Variants in CDC42 observed in about 807,000 individuals in gnomAD.
CDC42 encodes cell division cycle 42, also known as cell division control protein 42 homolog.
A neutral mutation model predicts 20.8 loss-of-function variants in CDC42; 1 was observed. That is an observed-to-expected ratio of 0.05 (90% CI 0.02 to 0.23). The LOEUF is 0.23. CDC42 is among the 10% of genes least tolerant of loss of function. CDC42 has a pLI of 1.00. For missense variants in CDC42, 49 were observed against 227.9 expected (o/e 0.21, Z 5.05); for synonymous variants, 72 against 84.8 (o/e 0.85, Z 0.83).
rs1645754124 is a variant in CDC42 at position 22,095,801 on chromosome 1, A to G, written c.*4284A>G. ...TTGTCATTCTGGAGCCTAGTTCCAG[A>G]GAGCAGTGGCTGCTTGAGTGTGGAC... On this transcript the variant is annotated 3_prime_UTR_variant, in exon 6 of 6. Coordinates refer to ENST00000656825, the MANE Select transcript of CDC42 (RefSeq NM_001791.4). Among the ~76,000 whole-genome samples the G allele has an allele frequency of 6.6e-6, 1 of 152,152 alleles. No homozygotes were observed. Among genetic ancestry groups the G allele is most frequent in the Non-Finnish European group, 1.5e-5 (1 of 68,024 alleles).
chr1:22,074,711 C>T (rs1344814992), intron 1 of CDC42, among the ~76,000 whole-genome samples: 1 of 152,206 alleles, frequency 6.6e-6, no homozygotes, highest in Non-Finnish European at 1.5e-5. Flanking sequence ...AGCCACTGTG[C>T]TCTTTAATAC....
intron 1 of CDC42, chr1:22,068,969 G>C (rs960401650): frequency 6.6e-6 from 1 of 152,176 alleles, no homozygotes; most frequent in African/African-American, 2.4e-5. Context: ...TTTATTGTCT[G>C]TGTACCCCAC....
At chr1:22,072,407 C>A (rs1438775608) in intron 1 of CDC42, among the ~76,000 whole-genome samples, 3 of 151,966 alleles carry the variant, frequency 2.0e-5, no homozygotes, top group Admixed American at 2.0e-4. Flanking sequence ...GTTTTACTTA[C>A]CTTTATGCCT....
intron 1 of CDC42, among the ~76,000 whole-genome samples, chr1:22,071,046 CTTTTT>C (rs10684040): frequency 8.0e-6 from 1 of 125,312 alleles, no homozygotes; most frequent in Admixed American, 9.5e-5. Context: ...TTTTTTCTTT[CTTTTT>C]TTTTTTTTTT....
rs569337820 is a variant in CDC42 at position 22,094,073 on chromosome 1, T to C, written c.*2556T>C. Among the ~76,000 whole-genome samples the C allele has an allele frequency of 6.6e-6, 1 of 152,024 alleles. No individual in the cohort carries two copies. The highest frequency in any genetic ancestry group is 1.5e-5 in the Non-Finnish European group (1 of 67,998). ...GGGTAGCAAGTGGATGCAGCTTAGG[T>C]TTTCCATTTAAATATTGTTTTCTAT... On this transcript the variant is annotated 3_prime_UTR_variant, in exon 6 of 6. Coordinates refer to ENST00000656825, the MANE Select transcript of CDC42 (RefSeq NM_001791.4).
At chr1:22,060,145 C>T (rs1645347036) in intron 1 of CDC42, among the ~76,000 whole-genome samples, 1 of 151,898 alleles carries the variant, frequency 6.6e-6, no homozygotes. Flanking sequence ...AGTTCAAGAC[C>T]AACCTGGCCA....
intron 1 of CDC42, among the ~76,000 whole-genome samples, chr1:22,066,490 A>AT (rs1645425227): frequency 6.6e-6 from 1 of 152,170 alleles, no homozygotes; most frequent in African/African-American, 2.4e-5. Context: ...GTATTGAGCT[A>AT]TTTTGTGGGC....
intron 3 of CDC42, among the ~76,000 whole-genome samples, chr1:22,084,343 T>G (rs1570032265): frequency 1.1e-5 from 1 of 95,210 alleles, no homozygotes; most frequent in Non-Finnish European, 2.4e-5. Flanking sequence ...CTGTTTTTTT[T>G]TTTTTTTTTT....
chr1:22,077,776 A>G (rs1228730428), intron 1 of CDC42, among the ~76,000 whole-genome samples: 17 of 152,246 alleles, frequency 1.1e-4, no homozygotes, highest in East Asian at 1.9e-4. Flanking sequence ...AAGAGAAGCT[A>G]TAGTATCTGT....
chr1:22,097,594 G>A lies in CDC42; in HGVS notation c.*6077G>A, dbSNP rs977304661. ...TCAAAGTTGAGTACTGCATTCTTGC[G>A]GCTCTACCTAAGTTTCTCCTAGAAT... On this transcript the variant is annotated 3_prime_UTR_variant, in exon 6 of 6. Coordinates refer to ENST00000656825, the MANE Select transcript of CDC42 (RefSeq NM_001791.4). Among the ~76,000 whole-genome samples, 2 of 152,138 alleles carry A rather than the reference G, an allele frequency of 1.3e-5. No homozygotes were observed. Among genetic ancestry groups the A allele is most frequent in the Admixed American group, 1.3e-4 (2 of 15,276 alleles).
At chr1:22,077,311 A>T (rs190790007) in intron 1 of CDC42, among the ~76,000 whole-genome samples, 2 of 152,186 alleles carry the variant, frequency 1.3e-5, no homozygotes, top group African/African-American at 4.8e-5. Context: ...AGAAGTGCTC[A>T]GTGCTAGAAG....
Position 22,094,294 on chromosome 1 carries a change from A to ACTTTTTT in CDC42, c.*2777_*2778insCTTTTTT, listed in dbSNP as rs1645741135. On this transcript the variant is annotated 3_prime_UTR_variant, in exon 6 of 6. Coordinates refer to ENST00000656825, the MANE Select transcript of CDC42 (RefSeq NM_001791.4). ...GTTTTACTGAACATCCTAGAAATAG[A>ACTTTTTT]TTTTTTTTTTTTTTTTTTTTTGAGA... Among the ~76,000 whole-genome samples the ACTTTTTT allele has an allele frequency of 2.6e-5, 1 of 38,292 alleles. No individual in the cohort carries two copies. The highest frequency in any genetic ancestry group is 1.2e-4 in the African/African-American group (1 of 8,188). 25.1% of individuals were successfully genotyped at this position (38,292 alleles called of 152,430 possible).
rs1645762646 is a variant in CDC42 at position 22,097,027 on chromosome 1, C to G, written c.*5510C>G. 6.6e-6 allele frequency among the ~76,000 whole-genome samples: 1 copy of G among 152,208 alleles called. No individual in the cohort carries two copies. On this transcript the variant is annotated 3_prime_UTR_variant, in exon 6 of 6. Transcript: ENST00000656825. ...CTAAGATGGAGAACTGGGTGGGGAA[C>G]AATTTGTAATCCTTTTTAGTTCATA...
At chr1:22,058,381 T>C (rs1645326423) in intron 1 of CDC42, among the ~76,000 whole-genome samples, 1 of 152,230 alleles carries the variant, frequency 6.6e-6, no homozygotes, top group South Asian at 2.1e-4. Flanking sequence ...AATCTGAAAA[T>C]GAATCTGAAG....
chr1:22,062,730 TAAAAAA>T (rs531472151), intron 1 of CDC42, among the ~76,000 whole-genome samples: 2 of 69,400 alleles, frequency 2.9e-5, no homozygotes, highest in Non-Finnish European at 4.9e-5. Flanking sequence ...TGGCTCTATT[TAAAAAA>T]AAAAAAAAAA....
At chr1:22,066,885 G>A (rs183031193) in intron 1 of CDC42, among the ~76,000 whole-genome samples, 22 of 152,324 alleles carry the variant, frequency 1.4e-4, no homozygotes, top group Middle Eastern at 3.4e-3. Flanking sequence ...CCAACATGGA[G>A]AAACCCCGTC....
chr1:22,079,705 A>AG (rs1645589167), intron 2 of CDC42, among the ~76,000 whole-genome samples: 1 of 152,170 alleles, frequency 6.6e-6, no homozygotes, highest in Non-Finnish European at 1.5e-5. Context: ...GTGGACTTAC[A>AG]GGGGACATTT....
intron 1 of CDC42, among the ~76,000 whole-genome samples, chr1:22,072,645 C>T (rs1286809259): frequency 1.3e-5 from 2 of 152,126 alleles, no homozygotes; most frequent in Non-Finnish European, 2.9e-5. Flanking sequence ...TCCCTCTAGT[C>T]ACTTTGCCTT....
At chr1:22,076,252 G>C (rs1364534458) in intron 1 of CDC42, among the ~76,000 whole-genome samples, 2 of 152,142 alleles carry the variant, frequency 1.3e-5, no homozygotes, top group East Asian at 3.9e-4. Context: ...TTGAGGTCAG[G>C]AGTTCAAGAC....
Sources: allele counts gnomAD v4.1 joint callset (sites outside exome capture counted in the v4.1 genomes callset), GRCh38; gene constraint gnomAD v4.1.1; transcripts MANE v1.5; gene names NCBI Gene and HGNC (gene_info 2026-07-23, HGNC 2026-07-21).